Variants in TPD52L1 observed in about 807,000 individuals in gnomAD.
TPD52L1 encodes tumor protein D53.
TPD52L1 carries 18 observed loss-of-function variants against 28.7 expected under a neutral mutation model. The observed-to-expected ratio is 0.63, with a 90% CI of 0.43 to 0.93. The LOEUF is 0.93. Among genes scored for constraint, TPD52L1 ranks in the 40% least tolerant of loss-of-function variants. The pLI, the probability that TPD52L1 is intolerant of heterozygous loss-of-function variation, is 0.00. For missense variants in TPD52L1, 203 were observed against 254.8 expected (o/e 0.80, Z 1.39); for synonymous variants, 75 against 88.8 (o/e 0.84, Z 0.88).
intron 1 of TPD52L1, among the ~76,000 whole-genome samples, chr6:125,160,510 C>T (rs75912865): frequency 0.032 from 4,932 of 152,170 alleles, 289 homozygotes; most frequent in African/African-American, 0.11. Context: ...CAGTCATGAG[C>T]CACTGCATCT....
Position 125,220,114 on chromosome 6 carries a change from A to G in TPD52L1, c.56A>G (p.Glu19Gly), listed in dbSNP as rs1795138512. 1 of 1,613,920 alleles carries G rather than the reference A, an allele frequency of 6.2e-7. No individual in the cohort carries two copies. ...LETEPLQGTD[E>G]DAVASADFSS... ...ACTGAACCGTTGCAAGGAACAGACG[A>G]AGATGCAGTAGCCAGTGCTGACTTC... is the stretch of plus-strand genomic sequence containing the variant. The change falls in exon 2 of 7, where the codon GAA (glutamate) becomes GGA (glycine). Residue 19 changes from glutamate to glycine, a missense_variant. Physicochemically the swap from Glu to Gly is moderately conservative, Grantham distance 98. Coordinates refer to ENST00000534000, the MANE Select transcript of TPD52L1 (RefSeq NM_003287.4).
Position 125,262,823 on chromosome 6 carries a change from G to A in TPD52L1, c.487-11G>A. 1 of 1,606,308 alleles carries A rather than the reference G, an allele frequency of 6.2e-7. No individual in the cohort carries two copies. Among genetic ancestry groups the A allele is most frequent in the Non-Finnish European group, 8.5e-7 (1 of 1,177,572 alleles). On this transcript the variant is annotated splice_polypyrimidine_tract_variant and intron_variant, in intron 6 of 6. Transcript: ENST00000534000. ...CAACTAACTGCATTTTTGTGGATCT[G>A]CTCATTTCAGACGAAAGTAGGCGGT...
chr6:125,179,426 G>A (rs1792041984), intron 1 of TPD52L1, among the ~76,000 whole-genome samples: 2 of 152,336 alleles, frequency 1.3e-5, no homozygotes, highest in East Asian at 3.9e-4. Context: ...TTCCTCAAGT[G>A]TGAAAAGGAA....
At chr6:125,211,538 C>G (rs766028891) in intron 1 of TPD52L1, among the ~76,000 whole-genome samples, 1 of 152,144 alleles carries the variant, frequency 6.6e-6, no homozygotes, top group East Asian at 1.9e-4. Flanking sequence ...GTATGACTTG[C>G]GTTTTATGAT....
chr6:125,203,904 G>C (rs1411168409), intron 1 of TPD52L1: 17 of 588,870 alleles, frequency 2.9e-5, no homozygotes, highest in Non-Finnish European at 3.4e-5. Context: ...CAGTCAAGTA[G>C]AGCTGTCTTT....
intron 1 of TPD52L1, among the ~76,000 whole-genome samples, chr6:125,177,950 A>G (rs1166733911): frequency 6.6e-6 from 1 of 152,214 alleles, no homozygotes; most frequent in African/African-American, 2.4e-5. Flanking sequence ...CTAAGTATAT[A>G]AAAAGTGAAT....
At chr6:125,233,257 C>T (rs760508326) in intron 3 of TPD52L1, among the ~76,000 whole-genome samples, 1 of 152,134 alleles carries the variant, frequency 6.6e-6, no homozygotes, top group Non-Finnish European at 1.5e-5. Flanking sequence ...GGACGAAAAG[C>T]CTCACATTCA....
In TPD52L1 at chr6:125,262,846, G is replaced by A. The variant is rs772348702; in HGVS notation, c.499G>A (p.Gly167Ser). The A allele has an allele frequency of 1.2e-5, 20 of 1,613,102 alleles. No individual in the cohort carries two copies. Among genetic ancestry groups the A allele is most frequent in the Middle Eastern group, 1.6e-4 (1 of 6,078 alleles). The stretch of plus-strand genomic sequence containing the variant: ...CTGCTCATTTCAGACGAAAGTAGGC[G>A]GTACGAACCCTAATGGAGGCAGTTT... ...TVTSLKTKVG[G>S]TNPNGGSFEE... The change falls in exon 7 of 7, where the codon GGT becomes AGT. Residue 167 changes from glycine to serine, a missense_variant. Gly to Ser is a moderately conservative substitution (Grantham distance 56). Coordinates refer to ENST00000534000, the MANE Select transcript of TPD52L1 (RefSeq NM_003287.4).
intron 3 of TPD52L1, among the ~76,000 whole-genome samples, chr6:125,238,439 T>G (rs746106212): frequency 6.6e-6 from 1 of 152,150 alleles, no homozygotes; most frequent in Non-Finnish European, 1.5e-5. Context: ...TTTCTGAAAT[T>G]TTGATGCACC....
chr6:125,186,557 T>C (rs1391329282), intron 1 of TPD52L1, among the ~76,000 whole-genome samples: 1 of 152,206 alleles, frequency 6.6e-6, no homozygotes, highest in Non-Finnish European at 1.5e-5. Flanking sequence ...CAAAGATATT[T>C]TGAAATTAGA....
chr6:125,215,284 T>A (rs1341607776), intron 1 of TPD52L1, among the ~76,000 whole-genome samples: 1 of 152,232 alleles, frequency 6.6e-6, no homozygotes, highest in Non-Finnish European at 1.5e-5. Context: ...ATTACCTTTT[T>A]AATCCAACTC....
intron 1 of TPD52L1, among the ~76,000 whole-genome samples, chr6:125,175,665 A>G (rs1791777391): frequency 6.6e-6 from 1 of 152,198 alleles, no homozygotes; most frequent in Non-Finnish European, 1.5e-5. Flanking sequence ...GGAGAGATAA[A>G]CATAGGACAA....
At chr6:125,200,496 A>G (rs1793735146) in intron 1 of TPD52L1, among the ~76,000 whole-genome samples, 1 of 152,230 alleles carries the variant, frequency 6.6e-6, no homozygotes, top group South Asian at 2.1e-4. Context: ...TAACAGTTAT[A>G]TACGTGCTTA....
At chr6:125,192,010 A>G (rs1793078346) in intron 1 of TPD52L1, among the ~76,000 whole-genome samples, 1 of 152,246 alleles carries the variant, frequency 6.6e-6, no homozygotes, top group Non-Finnish European at 1.5e-5. Flanking sequence ...AATAGTCACC[A>G]GCTTTCACGA....
At chr6:125,230,031 G>A (rs916649329) in intron 3 of TPD52L1, among the ~76,000 whole-genome samples, 4 of 152,248 alleles carry the variant, frequency 2.6e-5, no homozygotes, top group African/African-American at 9.6e-5. Context: ...AGGTTGCAAT[G>A]AGTCGAGATG....
chr6:125,228,930 A>C, intron 2 of TPD52L1, 188 bp from the exon 3 acceptor site: 1 of 432,446 alleles, frequency 2.3e-6, no homozygotes, highest in East Asian at 3.8e-5. Flanking sequence ...ATAATCATTA[A>C]AATGAAAAAT....
intron 3 of TPD52L1, among the ~76,000 whole-genome samples, chr6:125,235,235 A>T (rs1182968086): frequency 6.6e-6 from 1 of 151,938 alleles, no homozygotes; most frequent in Non-Finnish European, 1.5e-5. Flanking sequence ...CTTTAAGATC[A>T]AGTTCAATCA....
chr6:125,260,676 G>A (rs1401973465), intron 6 of TPD52L1, among the ~76,000 whole-genome samples: 2 of 151,688 alleles, frequency 1.3e-5, no homozygotes, highest in African/African-American at 4.8e-5. Flanking sequence ...ATAATGGTGG[G>A]TGCCTGTAAT....
chr6:125,248,628 A>G (rs1797064909), intron 4 of TPD52L1, among the ~76,000 whole-genome samples: 1 of 152,214 alleles, frequency 6.6e-6, no homozygotes, highest in Non-Finnish European at 1.5e-5. Context: ...ACCTGGTAAA[A>G]ATAGAAGATA....
Sources: allele counts gnomAD v4.1 joint callset (sites outside exome capture counted in the v4.1 genomes callset), GRCh38; gene constraint gnomAD v4.1.1; transcripts MANE v1.5; gene names NCBI Gene and HGNC (gene_info 2026-07-23, HGNC 2026-07-21).